INPP5A: variants seen among roughly 807,000 people sequenced by gnomAD.
The protein encoded by INPP5A is 43 kDa inositol polyphosphate 5-phophatase.
In INPP5A, 14 loss-of-function variants were observed where a neutral mutation model predicts 65.2. The ratio of observed to expected loss-of-function variants is 0.21; its 90% confidence interval spans 0.14 to 0.34. The LOEUF (loss-of-function observed/expected upper bound fraction) is 0.34. Among genes scored for constraint, INPP5A ranks in the 10% least tolerant of loss-of-function variants. The probability of loss-of-function intolerance (pLI) is 1.00; values close to 1 mark genes in which losing one functional copy is unlikely to be tolerated. For missense variants in INPP5A, 431 were observed against 545.6 expected (o/e 0.79, Z 2.09); for synonymous variants, 207 against 208.3 (o/e 0.99, Z 0.05).
At position 132,750,866 on chromosome 10, in the gene INPP5A, G is replaced by A. The variant is rs567267177; in HGVS notation, c.903+1021G>A. ...TGTCTGGGGAGTGGCCGGGGGAGAGGTGAGGGAGCACAGGCGGGTAGACCC... is the reference window on the plus strand; with the variant it reads ...TGTCTGGGGAGTGGCCGGGGGAGAGATGAGGGAGCACAGGCGGGTAGACCC... On this transcript the variant is annotated intron_variant, in intron 11 of 15. Transcript: ENST00000368594. 2.8e-3 allele frequency among the ~76,000 whole-genome samples: 422 copies of A among 152,356 alleles called. 2 individuals carry two copies. The highest frequency in any genetic ancestry group is 6.8e-3 in the Middle Eastern group (2 of 294).
intron 1 of INPP5A, among the ~76,000 whole-genome samples, chr10:132,589,745 G>C (rs1394498792): frequency 1.3e-5 from 2 of 152,276 alleles, no homozygotes; most frequent in Non-Finnish European, 2.9e-5. Flanking sequence ...GGCCTTCAGA[G>C]AGCAGACAGA....
intron 1 of INPP5A, among the ~76,000 whole-genome samples, chr10:132,571,705 C>T (rs1014606968): frequency 2.6e-5 from 4 of 152,320 alleles, no homozygotes; most frequent in Non-Finnish European, 4.4e-5. Flanking sequence ...CCCTGACGTG[C>T]GTGCTGTAAG....
intron 1 of INPP5A, among the ~76,000 whole-genome samples, chr10:132,569,458 G>A (rs933220106): frequency 6.6e-6 from 1 of 152,122 alleles, no homozygotes; most frequent in African/African-American, 2.4e-5. Context: ...CCAGGCTCAA[G>A]GGATCCTCCC....
chr10:132,666,289 AT>A (rs1314958470), intron 4 of INPP5A, among the ~76,000 whole-genome samples: 1 of 152,178 alleles, frequency 6.6e-6, no homozygotes, highest in Non-Finnish European at 1.5e-5. Context: ...TGAACACATT[AT>A]TCCATGTTTT....
At chr10:132,763,632 T>C (rs901025603) in intron 11 of INPP5A, among the ~76,000 whole-genome samples, 8 of 142,672 alleles carry the variant, frequency 5.6e-5, no homozygotes, top group Non-Finnish European at 9.1e-5. Context: ...TGTGCACACA[T>C]AAACATGCCT....
At chr10:132,745,896 G>A (rs915709164) in intron 9 of INPP5A, among the ~76,000 whole-genome samples, 8 of 152,168 alleles carry the variant, frequency 5.3e-5, no homozygotes, top group African/African-American at 1.4e-4. Context: ...GGTGGCCCCC[G>A]AGGAGGAGTG....
At position 132,616,458 on chromosome 10, in the gene INPP5A, G is replaced by A. The variant is rs999916078; in HGVS notation, c.117+8502G>A. ...GTGGTATTGGGAACATGGTGGTGAC[G>A]CAGGATGTGGTGGTGGTGTAGAATG... On this transcript the variant is annotated intron_variant, in intron 2 of 15. Transcript: ENST00000368594. This position sits in a 1 kb window ranked among gnomAD's most constrained non-coding sequence, Gnocchi z 4.9. 5.3e-5 allele frequency among the ~76,000 whole-genome samples: 8 copies of A among 152,118 alleles called. No homozygotes were observed. Among genetic ancestry groups the A allele is most frequent in the Admixed American group, 5.2e-4 (8 of 15,282 alleles).
At chr10:132,729,652 G>A (rs1040275113) in intron 9 of INPP5A, among the ~76,000 whole-genome samples, 3 of 152,196 alleles carry the variant, frequency 2.0e-5, no homozygotes, top group East Asian at 1.9e-4. Flanking sequence ...AGGAGCCCTC[G>A]TCCCAGCCCT....
chr10:132,629,165 C>G (rs962881029), intron 2 of INPP5A, among the ~76,000 whole-genome samples: 2 of 152,140 alleles, frequency 1.3e-5, no homozygotes, highest in African/African-American at 4.8e-5. Flanking sequence ...GACGTGTGTC[C>G]CCAGCACTGC....
chr10:132,720,076 G>T (rs1182136975), intron 8 of INPP5A, among the ~76,000 whole-genome samples: 1 of 150,484 alleles, frequency 6.6e-6, no homozygotes, highest in Non-Finnish European at 1.5e-5. Context: ...TTCTGTCTGG[G>T]CGCCTTAGAC....
In INPP5A at chr10:132,650,793, G is replaced by A. The variant is rs185294077; in HGVS notation, c.306+288G>A. Among the ~76,000 whole-genome samples, 135 of 152,308 alleles carry A rather than the reference G, an allele frequency of 8.9e-4. 1 individual carries two copies. The highest frequency in any genetic ancestry group is 2.7e-3 in the Admixed American group (41 of 15,302). On this transcript the variant is annotated intron_variant, in intron 4 of 15. Coordinates refer to ENST00000368594, the MANE Select transcript of INPP5A (RefSeq NM_005539.5). The surrounding 1 kb of genome is among the most constrained non-coding windows in gnomAD (Gnocchi z 5.5). Reference sequence around the variant, plus strand: ...GTGGGGAGAGGCCCAGGGCCTCAGCGTGCATGAAAATAAGAGGGAGTCCGG... The same window carrying A: ...GTGGGGAGAGGCCCAGGGCCTCAGCATGCATGAAAATAAGAGGGAGTCCGG...
chr10:132,572,466 G>C (rs1034977686), intron 1 of INPP5A, among the ~76,000 whole-genome samples: 1 of 152,146 alleles, frequency 6.6e-6, no homozygotes, highest in Admixed American at 6.5e-5. Context: ...TGCTGTCCTG[G>C]GGGAGGGGGA....
At chr10:132,751,696 T>G (rs1359401954) in intron 11 of INPP5A, among the ~76,000 whole-genome samples, 2 of 147,710 alleles carry the variant, frequency 1.4e-5, no homozygotes, top group African/African-American at 5.1e-5. Flanking sequence ...GGTGTCTGGG[T>G]GGAGGCAGGT....
At chr10:132,552,184 T>C (rs1024738956) in intron 1 of INPP5A, among the ~76,000 whole-genome samples, 136 of 99,228 alleles carry the variant, frequency 1.4e-3, no homozygotes, top group East Asian at 3.2e-3. Flanking sequence ...GATTGGTGAA[T>C]GCCTTCTCAG....
At chr10:132,664,434 C>T (rs2072776679) in intron 4 of INPP5A, among the ~76,000 whole-genome samples, 1 of 152,254 alleles carries the variant, frequency 6.6e-6, no homozygotes, top group South Asian at 2.1e-4. Flanking sequence ...CAGGACCCTG[C>T]TGTGTGCCTG....
In INPP5A at chr10:132,777,654, C is replaced by G; in HGVS notation, c.978-17C>G. 1 of 1,609,696 alleles carries G rather than the reference C, an allele frequency of 6.2e-7. No individual in the cohort carries two copies. Among genetic ancestry groups the G allele is most frequent in the East Asian group, 2.2e-5 (1 of 44,822 alleles). ...CCCGAGCCGGCCGGCTGACCCTCTG[C>G]CTTCATGTCTCCCCAGCTACCCGTA... is the stretch of plus-strand genomic sequence containing the variant. On this transcript the variant is annotated splice_polypyrimidine_tract_variant and intron_variant, in intron 12 of 15. Coordinates refer to ENST00000368594, the MANE Select transcript of INPP5A (RefSeq NM_005539.5).
At chr10:132,709,185 C>T (rs1845590549) in intron 7 of INPP5A, among the ~76,000 whole-genome samples, 1 of 150,118 alleles carries the variant, frequency 6.7e-6, no homozygotes, top group South Asian at 2.2e-4. Context: ...TTCTGCCCCT[C>T]CCCCTCGGGC....
intron 1 of INPP5A, among the ~76,000 whole-genome samples, chr10:132,565,539 C>T (rs2071261312): frequency 6.6e-6 from 1 of 152,066 alleles, no homozygotes; most frequent in Non-Finnish European, 1.5e-5. Flanking sequence ...AAAAGCCTTC[C>T]TGTGTGTGTG....
At chr10:132,566,515 A>G (rs149213468) in intron 1 of INPP5A, among the ~76,000 whole-genome samples, 10 of 152,334 alleles carry the variant, frequency 6.6e-5, no homozygotes, top group Middle Eastern at 3.4e-3. Flanking sequence ...ACTCGATCCA[A>G]TGTGTTCATA....
Sources: gnomAD v4.1 joint callset for allele counts (sites outside exome capture counted in the v4.1 genomes callset) on GRCh38, gnomAD v4.1.1 for gene constraint, Gnocchi (gnomAD v3.1) non-coding constraint, MANE v1.5 for transcripts, NCBI Gene and HGNC (gene_info 2026-07-23, HGNC 2026-07-21) for gene names.